TBC1D22A: variants seen among roughly 807,000 people sequenced by gnomAD.
TBC1D22A encodes TBC1 domain family member 22A.
Under a neutral mutation model 60.2 loss-of-function variants are expected in TBC1D22A, and 38 were observed. That is an observed-to-expected ratio of 0.63 (90% confidence interval 0.49 to 0.83). The LOEUF is 0.83. TBC1D22A is among the 40% of genes least tolerant of loss of function. The probability of loss-of-function intolerance (pLI) is 0.00; values close to 1 mark genes in which losing one functional copy is unlikely to be tolerated. For missense variants in TBC1D22A, 628 were observed against 701.0 expected (o/e 0.90, Z 1.18); for synonymous variants, 302 against 281.7 (o/e 1.07, Z -0.72).
intron 9 of TBC1D22A, among the ~76,000 whole-genome samples, chr22:46,992,053 G>GCTGTCAGA (rs1257110322): frequency 6.6e-6 from 1 of 152,226 alleles, no homozygotes; most frequent in Non-Finnish European, 1.5e-5. Flanking sequence ...CATTGGCTCA[G>GCTGTCAGA]CTGTCAGACT....
chr22:46,846,941 G>C (rs1054999661), intron 4 of TBC1D22A, among the ~76,000 whole-genome samples: 2 of 152,170 alleles, frequency 1.3e-5, no homozygotes, highest in Non-Finnish European at 2.9e-5. Context: ...GCGGTTTTCA[G>C]AACCCGGTGC....
rs769322904 is a variant in TBC1D22A, at chr22:47,076,361, G to GTATATA, written c.1330-35132_1330-35127dup. Among the ~76,000 whole-genome samples, 733 of 101,812 alleles carry GTATATA rather than the reference G, an allele frequency of 7.2e-3. 4 individuals are homozygous for GTATATA. The highest frequency in any genetic ancestry group is 0.01 in the African/African-American group (280 of 27,618). The allele number at this position is 101,812 out of a possible 152,430, so 66.8% of individuals were successfully genotyped here. A position where few individuals can be genotyped will look rare whatever the true frequency, so the allele number is the denominator to read the frequency against. ...TGTGTGTATATATATATATGTGTGT[G>GTATATA]TATATATATATATATATATACACAC... On this transcript the variant is annotated intron_variant, in intron 11 of 12. Coordinates refer to ENST00000337137, the MANE Select transcript of TBC1D22A (RefSeq NM_014346.5).
At chr22:47,087,036 G>A (rs115230324) in intron 11 of TBC1D22A, among the ~76,000 whole-genome samples, 2,256 of 152,338 alleles carry the variant, frequency 0.015, 16 homozygotes, top group Middle Eastern at 0.061. Context: ...TGGGTGCTCC[G>A]TCTGCAGCTA....
intron 12 of TBC1D22A, among the ~76,000 whole-genome samples, chr22:47,120,471 A>G (rs2066232107): frequency 6.6e-6 from 1 of 152,210 alleles, no homozygotes; most frequent in African/African-American, 2.4e-5. Flanking sequence ...TTTTAAGTTC[A>G]TGGGCTCTTG....
chr22:46,955,290 G>C (rs1052862426), intron 8 of TBC1D22A, among the ~76,000 whole-genome samples: 2 of 152,228 alleles, frequency 1.3e-5, no homozygotes, highest in Non-Finnish European at 2.9e-5. Flanking sequence ...TTGATTAAAA[G>C]TACGCTAACG....
At chr22:47,074,371 T>C (rs1359506120) in intron 11 of TBC1D22A, among the ~76,000 whole-genome samples, 1 of 152,222 alleles carries the variant, frequency 6.6e-6, no homozygotes, top group Non-Finnish European at 1.5e-5. Context: ...GACTGCTCGG[T>C]ATCAATGATT....
chr22:47,161,022 AG>A (rs2067962163), intron 12 of TBC1D22A, among the ~76,000 whole-genome samples: 1 of 152,120 alleles, frequency 6.6e-6, no homozygotes, highest in African/African-American at 2.4e-5. Context: ...GCTGGGAAGA[AG>A]GGGGGCAGCC....
At chr22:47,149,221 G>A (rs1181577861) in intron 12 of TBC1D22A, among the ~76,000 whole-genome samples, 1 of 152,192 alleles carries the variant, frequency 6.6e-6, no homozygotes, top group African/African-American at 2.4e-5. Flanking sequence ...GTCGTGGTTG[G>A]GGGACAGGCT....
intron 11 of TBC1D22A, among the ~76,000 whole-genome samples, chr22:47,093,706 T>C (rs1335186902): frequency 6.6e-6 from 1 of 152,224 alleles, no homozygotes. Context: ...GAGCACATCA[T>C]TGATGACAGA....
intron 1 of TBC1D22A, among the ~76,000 whole-genome samples, chr22:46,767,193 G>A (rs147374096): frequency 2.3e-3 from 345 of 152,262 alleles, no homozygotes; most frequent in African/African-American, 7.9e-3. Flanking sequence ...CAGGATGTGT[G>A]GTGTGGTAGA....
At position 47,134,650 on chromosome 22, in the gene TBC1D22A, C is replaced by T. The variant is rs547504598; in HGVS notation, c.1425+23047C>T. On this transcript the variant is annotated intron_variant, in intron 12 of 12. Coordinates refer to ENST00000337137, the MANE Select transcript of TBC1D22A (RefSeq NM_014346.5). Reference sequence around the variant, plus strand: ...GGAGTGTCCTGTGGGACCCTCCCTGCCCCACCCACCCACGAGGCTGCGTCC... The same window carrying T: ...GGAGTGTCCTGTGGGACCCTCCCTGTCCCACCCACCCACGAGGCTGCGTCC... 3.3e-5 allele frequency among the ~76,000 whole-genome samples: 5 copies of T among 150,516 alleles called. No individual in the cohort carries two copies. The East Asian group carries it at 9.9e-4, about 30-fold the overall frequency.
chr22:46,824,539 G>C lies in TBC1D22A; in HGVS notation c.637+26919G>C, dbSNP rs546472969. 4.6e-3 allele frequency among the ~76,000 whole-genome samples: 708 copies of C among 152,304 alleles called. 5 individuals carry two copies. The highest frequency in any genetic ancestry group is 0.02 in the Middle Eastern group (6 of 294). On this transcript the variant is annotated intron_variant, in intron 4 of 12. Transcript: ENST00000337137. ...CAGGCCCCTGAGGGCGGTGGAAGGAGGTCACATTCCATGCTAGTTGTGGTG... is the reference window on the plus strand; with the variant it reads ...CAGGCCCCTGAGGGCGGTGGAAGGACGTCACATTCCATGCTAGTTGTGGTG...
intron 8 of TBC1D22A, among the ~76,000 whole-genome samples, chr22:46,954,101 A>G (rs1370522933): frequency 6.6e-6 from 1 of 152,128 alleles, no homozygotes; most frequent in Non-Finnish European, 1.5e-5. Context: ...TGCTGTTACC[A>G]CAGTAGCAAG....
chr22:47,030,390 C>G (rs1181319730), intron 10 of TBC1D22A, among the ~76,000 whole-genome samples: 1 of 152,172 alleles, frequency 6.6e-6, no homozygotes, highest in Non-Finnish European at 1.5e-5. Context: ...TAGCCTAAAT[C>G]CTGGGACACA....
chr22:47,134,289 T>C lies in TBC1D22A; in HGVS notation c.1425+22686T>C, dbSNP rs568510887. Among the ~76,000 whole-genome samples the C allele has an allele frequency of 2.0e-5, 3 of 152,360 alleles. No individual in the cohort carries two copies. The South Asian group carries it at 6.2e-4, about 32-fold the overall frequency. On this transcript the variant is annotated intron_variant, in intron 12 of 12. Transcript: ENST00000337137. ...AAATGTGATTACATCCTGGGTCTTA[T>C]TAAAACATCTCCCTCTCAGCTGTCA...
chr22:47,122,388 C>T (rs1345774647), intron 12 of TBC1D22A, among the ~76,000 whole-genome samples: 1 of 152,178 alleles, frequency 6.6e-6, no homozygotes, highest in East Asian at 1.9e-4. Flanking sequence ...CTCAGTGTCC[C>T]ATCACAGAGG....
At chr22:47,018,965 G>C (rs2061991562) in intron 10 of TBC1D22A, among the ~76,000 whole-genome samples, 1 of 152,126 alleles carries the variant, frequency 6.6e-6, no homozygotes, top group East Asian at 1.9e-4. Flanking sequence ...AGCACTCACT[G>C]TGGGGTCCTG....
intron 12 of TBC1D22A, among the ~76,000 whole-genome samples, chr22:47,143,895 G>T (rs1448917035): frequency 5.3e-5 from 8 of 152,250 alleles, no homozygotes; most frequent in African/African-American, 1.9e-4. Context: ...CCGGAAACAC[G>T]TGGAGAGGTG....
chr22:46,811,294 C>T (rs565903090), intron 4 of TBC1D22A, among the ~76,000 whole-genome samples: 1 of 152,208 alleles, frequency 6.6e-6, no homozygotes, highest in Non-Finnish European at 1.5e-5. Context: ...AAGAGAGACA[C>T]AGGTGACAAG....
Sources: allele counts gnomAD v4.1 joint callset (sites outside exome capture counted in the v4.1 genomes callset), GRCh38; gene constraint gnomAD v4.1.1; transcripts MANE v1.5; gene names NCBI Gene and HGNC (gene_info 2026-07-23, HGNC 2026-07-21).